Variants in EPM2A observed in about 807,000 individuals in gnomAD.
The protein encoded by EPM2A is laforin.
A neutral mutation model predicts 26.5 loss-of-function variants in EPM2A; 21 were observed. The observed-to-expected ratio is 0.79, with a 90% CI of 0.56 to 1.14. EPM2A has a LOEUF of 1.14. Ranked by LOEUF, EPM2A falls within the 50% of genes most tolerant of loss-of-function variation. The probability of loss-of-function intolerance (pLI) is 0.00; values close to 1 mark genes in which losing one functional copy is unlikely to be tolerated. For synonymous variants in EPM2A, 217 were observed against 177.6 expected (o/e 1.22, Z -1.76); for missense variants, 458 against 440.8 (o/e 1.04, Z -0.35).
intron 1 of EPM2A, among the ~76,000 whole-genome samples, chr6:145,709,661 A>C (rs1168913397): frequency 6.6e-6 from 1 of 152,192 alleles, no homozygotes; most frequent in Non-Finnish European, 1.5e-5. Flanking sequence ...AAATATTTTG[A>C]ATACACATGT....
intron 2 of EPM2A, among the ~76,000 whole-genome samples, chr6:145,681,080 A>C (rs1043050172): frequency 2.7e-4 from 41 of 152,220 alleles, no homozygotes; most frequent in African/African-American, 7.9e-4. Flanking sequence ...GAATGATTGC[A>C]ATTCTAACTG....
chr6:145,551,169 G>T (rs1384125838), intron 2 of EPM2A, among the ~76,000 whole-genome samples: 4 of 151,960 alleles, frequency 2.6e-5, no homozygotes, highest in Non-Finnish European at 4.4e-5. Flanking sequence ...TACCTTGAAT[G>T]GCTTTTCTGT....
At chr6:145,668,088 G>A (rs1026609050) in intron 2 of EPM2A, among the ~76,000 whole-genome samples, 4 of 149,510 alleles carry the variant, frequency 2.7e-5, no homozygotes, top group Non-Finnish European at 4.5e-5. Flanking sequence ...TGGGTGCAGC[G>A]CACCAGCATG....
At chr6:145,673,141 AC>A (rs1272864706) in intron 2 of EPM2A, among the ~76,000 whole-genome samples, 2 of 152,162 alleles carry the variant, frequency 1.3e-5, no homozygotes. Context: ...AAAAAAAAAA[AC>A]AATTGTTTGC....
At chr6:145,488,876 TA>T (rs765698254) in intron 4 of EPM2A, among the ~76,000 whole-genome samples, 1 of 152,208 alleles carries the variant, frequency 6.6e-6, no homozygotes, top group Non-Finnish European at 1.5e-5. Flanking sequence ...CGGCTGCCAT[TA>T]AATAAAATTT....
chr6:145,457,951 T>C (rs912658722), intron 4 of EPM2A, among the ~76,000 whole-genome samples: 1 of 152,214 alleles, frequency 6.6e-6, no homozygotes, highest in African/African-American at 2.4e-5. Flanking sequence ...ACTTATGAAA[T>C]CTATGTAACT....
intron 1 of EPM2A, among the ~76,000 whole-genome samples, chr6:145,715,967 T>C (rs1364857993): frequency 6.6e-6 from 1 of 152,018 alleles, no homozygotes; most frequent in African/African-American, 2.4e-5. Context: ...CCCACAACCA[T>C]CCCCACCTCC....
chr6:145,702,092 T>C (rs963682752), intron 1 of EPM2A, among the ~76,000 whole-genome samples: 1 of 152,184 alleles, frequency 6.6e-6, no homozygotes, highest in African/African-American at 2.4e-5. Flanking sequence ...TCTTATTGCC[T>C]TCTCTTGCCT....
chr6:145,529,238 G>C (rs1192235714), intron 2 of EPM2A, among the ~76,000 whole-genome samples: 1 of 152,158 alleles, frequency 6.6e-6, no homozygotes, highest in Non-Finnish European at 1.5e-5. Context: ...ATCAGTGGCA[G>C]GAGTGGAAAA....
At chr6:145,467,818 T>A (rs117539483) in intron 4 of EPM2A, among the ~76,000 whole-genome samples, 1 of 152,120 alleles carries the variant, frequency 6.6e-6, no homozygotes, top group African/African-American at 2.4e-5. Context: ...AGATCTTTTG[T>A]TAGGTTTAAT....
chr6:145,457,593 CACTT>C (rs1456391324), intron 4 of EPM2A, among the ~76,000 whole-genome samples: 2 of 152,076 alleles, frequency 1.3e-5, no homozygotes, highest in African/African-American at 4.8e-5. Context: ...CTAATTCACT[CACTT>C]AATTTTTATT....
chr6:145,667,967 G>T (rs1779348651), intron 2 of EPM2A, among the ~76,000 whole-genome samples: 1 of 145,692 alleles, frequency 6.9e-6, no homozygotes, highest in Non-Finnish European at 1.5e-5. Flanking sequence ...TAAACAATGA[G>T]ATCACATGGA....
chr6:145,500,891 G>A (rs1009435943), downstream of EPM2A, among the ~76,000 whole-genome samples: 6 of 152,216 alleles, frequency 3.9e-5, no homozygotes, highest in African/African-American at 1.2e-4. Flanking sequence ...TTGGTTTGTG[G>A]GAAATGTCAG....
chr6:145,465,346 T>C (rs1779375116), intron 4 of EPM2A, among the ~76,000 whole-genome samples: 1 of 150,530 alleles, frequency 6.6e-6, no homozygotes, highest in South Asian at 2.1e-4. Flanking sequence ...CTTCTCTGTA[T>C]TGGTTATTCT....
chr6:145,506,644 T>C (rs1779977931), intron 2 of EPM2A, among the ~76,000 whole-genome samples: 1 of 152,114 alleles, frequency 6.6e-6, no homozygotes. Context: ...AACTCAAGCA[T>C]ATGGAAAAGA....
chr6:145,563,611 C>T (rs1780840320), intron 2 of EPM2A, among the ~76,000 whole-genome samples: 1 of 152,054 alleles, frequency 6.6e-6, no homozygotes, highest in South Asian at 2.1e-4. Context: ...CTGATATCTA[C>T]ATACAGTCAA....
intron 4 of EPM2A, among the ~76,000 whole-genome samples, chr6:145,471,748 C>T (rs1365362705): frequency 1.3e-5 from 2 of 152,178 alleles, no homozygotes; most frequent in Non-Finnish European, 2.9e-5. Context: ...GCATTCCAAA[C>T]TTGAGTGCCC....
chr6:145,476,166 A>C (rs1476114651), intron 4 of EPM2A, among the ~76,000 whole-genome samples: 1 of 152,128 alleles, frequency 6.6e-6, no homozygotes, highest in African/African-American at 2.4e-5. Flanking sequence ...AACTACAAAG[A>C]AGTTGACTTG....
intron 2 of EPM2A, among the ~76,000 whole-genome samples, chr6:145,643,677 A>C (rs1446621145): frequency 6.6e-6 from 1 of 152,090 alleles, no homozygotes; most frequent in Non-Finnish European, 1.5e-5. Context: ...ACAAAAATGA[A>C]TTTAGAAAAC....
Sources: allele counts gnomAD v4.1 joint callset (sites outside exome capture counted in the v4.1 genomes callset), GRCh38; gene constraint gnomAD v4.1.1; transcripts MANE v1.5; gene names NCBI Gene and HGNC (gene_info 2026-07-23, HGNC 2026-07-21).